ANXA4: variants seen among roughly 807,000 people sequenced by gnomAD.
The protein encoded by ANXA4 is annexin A4.
In ANXA4, 39 loss-of-function variants were observed where a neutral mutation model predicts 49.8. The observed-to-expected ratio is 0.78, with a 90% confidence interval of 0.61 to 1.02. ANXA4 has a LOEUF of 1.02. Ranked by LOEUF, ANXA4 falls within the 50% of genes least tolerant of loss-of-function variation. The pLI, the probability that ANXA4 is intolerant of heterozygous loss-of-function variation, is 0.00. For synonymous variants in ANXA4, 134 were observed against 152.5 expected, an observed-to-expected ratio of 0.88 and a Z score of 0.89; for missense variants, 360 against 410.1, an observed-to-expected ratio of 0.88 and a Z score of 1.05.
chr2:69,778,203 T>C (rs184928230), intron 1 of ANXA4, among the ~76,000 whole-genome samples: 24 of 152,370 alleles, frequency 1.6e-4, no homozygotes, highest in African/African-American at 5.5e-4. Context: ...CATCCTGTTA[T>C]ATTTTCATCA....
intron 1 of ANXA4, among the ~76,000 whole-genome samples, chr2:69,776,362 C>G (rs368212308): frequency 8.5e-5 from 13 of 152,290 alleles, no homozygotes; most frequent in African/African-American, 3.1e-4. Context: ...CATCCCCAAC[C>G]CTTTTGTTCT....
chr2:69,757,269 T>A (rs1247652598), intron 1 of ANXA4, among the ~76,000 whole-genome samples: 6 of 30,010 alleles, frequency 2.0e-4, no homozygotes, highest in African/African-American at 1.1e-3. Context: ...TATATATATT[T>A]TTTTTTTTTT....
intron 1 of ANXA4, among the ~76,000 whole-genome samples, chr2:69,777,422 G>A (rs770024339): frequency 3.3e-5 from 5 of 152,082 alleles, no homozygotes; most frequent in Admixed American, 6.6e-5. Flanking sequence ...CTTTCCAGAC[G>A]TCCCCTCATT....
chr2:69,812,545 A>G (rs2305523), intron 7 of ANXA4, 108 bp from the exon 8 acceptor site: 10 of 884,288 alleles, frequency 1.1e-5, no homozygotes, highest in Non-Finnish European at 1.6e-5. Flanking sequence ...TGAAGCTCCA[A>G]TTCTTGTGGT....
At chr2:69,737,468 C>T (rs1670273764), upstream of ANXA4, among the ~76,000 whole-genome samples, 1 of 152,188 alleles carries the variant, frequency 6.6e-6, no homozygotes, top group African/African-American at 2.4e-5. Context: ...TCTTTGCCTT[C>T]TGTCTATGCA....
At chr2:69,663,188 G>A (rs918758460) in intron 2 of ANXA4, among the ~76,000 whole-genome samples, 5 of 147,194 alleles carry the variant, frequency 3.4e-5, no homozygotes, top group Non-Finnish European at 5.9e-5. Context: ...TAGAGACGGG[G>A]TTTCACCATG....
chr2:69,784,459 A>G (rs542154664), intron 2 of ANXA4, among the ~76,000 whole-genome samples: 37 of 152,380 alleles, frequency 2.4e-4, no homozygotes, highest in African/African-American at 8.2e-4. Context: ...CTTGTGAAAC[A>G]TTCAACTCAG....
chr2:69,739,030 G>C (rs936757467), upstream of ANXA4, among the ~76,000 whole-genome samples: 5 of 152,208 alleles, frequency 3.3e-5, no homozygotes, highest in African/African-American at 4.8e-5. Context: ...CCCCATTCCA[G>C]AGAGCCACTG....
intron 3 of ANXA4, among the ~76,000 whole-genome samples, chr2:69,723,754 T>C (rs1669883523): frequency 2.0e-5 from 3 of 152,340 alleles, no homozygotes; most frequent in South Asian, 4.1e-4. Context: ...CTTGCTATAT[T>C]CCCCAGGCTG....
chr2:69,678,772 A>G (rs955466816), intron 2 of ANXA4, among the ~76,000 whole-genome samples: 2 of 152,268 alleles, frequency 1.3e-5, no homozygotes, highest in African/African-American at 4.8e-5. Flanking sequence ...AATATTCACG[A>G]GGCATTTATT....
chr2:69,712,983 G>C (rs1273080511), intron 2 of ANXA4, among the ~76,000 whole-genome samples: 1 of 152,120 alleles, frequency 6.6e-6, no homozygotes. Context: ...GACCAGAGTG[G>C]ACTGGCTTCT....
At chr2:69,754,006 CA>C (rs1670952159) in intron 1 of ANXA4, among the ~76,000 whole-genome samples, 1 of 152,230 alleles carries the variant, frequency 6.6e-6, no homozygotes, top group Non-Finnish European at 1.5e-5. Flanking sequence ...GAATGATCTT[CA>C]TGACAGCCTA....
chr2:69,675,790 A>G lies in ANXA4; in HGVS notation n.766+22508A>G, dbSNP rs189835197. On this transcript the variant is annotated intron_variant and non_coding_transcript_variant, in intron 2 of 3. Transcript: ENST00000418066. ...ATGAATCCCAGCACTTTGGGAGGCC[A>G]AGGCGGGCAGATCACGAGGTCAGGA... Among the ~76,000 whole-genome samples the G allele has an allele frequency of 1.1e-3, 167 of 152,236 alleles. 1 individual carries two copies. The highest frequency in any genetic ancestry group is 3.4e-3 in the African/African-American group (141 of 41,552).
chr2:69,807,122 A>G (rs1396609937), intron 5 of ANXA4, among the ~76,000 whole-genome samples: 1 of 152,212 alleles, frequency 6.6e-6, no homozygotes, highest in African/African-American at 2.4e-5. Context: ...ACATTATACC[A>G]ATTATAATTT....
At chr2:69,724,012 C>T (rs947420376) in intron 3 of ANXA4, among the ~76,000 whole-genome samples, 3 of 152,176 alleles carry the variant, frequency 2.0e-5, no homozygotes, top group Admixed American at 6.5e-5. Flanking sequence ...CCCAGCTCCT[C>T]GGTGGGCTGA....
At chr2:69,804,201 T>G (rs1157548266) in intron 3 of ANXA4, among the ~76,000 whole-genome samples, 1 of 151,948 alleles carries the variant, frequency 6.6e-6, no homozygotes, top group Non-Finnish European at 1.5e-5. Context: ...CAACATTTAT[T>G]AAATGTTTAG....
chr2:69,764,380 C>T (rs886151137), intron 1 of ANXA4, among the ~76,000 whole-genome samples: 1 of 152,174 alleles, frequency 6.6e-6, no homozygotes, highest in Admixed American at 6.5e-5. Context: ...CCTAACCATG[C>T]TTGACACATT....
intron 2 of ANXA4, among the ~76,000 whole-genome samples, chr2:69,673,721 C>T (rs966535662): frequency 6.6e-6 from 1 of 151,634 alleles, no homozygotes; most frequent in African/African-American, 2.4e-5. Flanking sequence ...CACACACACA[C>T]ACACACAAAG....
intron 2 of ANXA4, among the ~76,000 whole-genome samples, chr2:69,668,912 T>C (rs1677044658): frequency 6.6e-6 from 1 of 151,824 alleles, no homozygotes. Context: ...TTTAAACATA[T>C]ACTTTATTTC....
Sources: allele counts gnomAD v4.1 joint callset (sites outside exome capture counted in the v4.1 genomes callset), GRCh38; gene constraint gnomAD v4.1.1; transcripts MANE v1.5; gene names NCBI Gene and HGNC (gene_info 2026-07-23, HGNC 2026-07-21).